Variants in UBR7 observed in about 807,000 individuals in gnomAD.
UBR7 encodes the protein putative E3 ubiquitin-protein ligase UBR7.
UBR7 carries 22 observed loss-of-function variants against 57.0 expected under a neutral mutation model. The ratio of observed to expected loss-of-function variants is 0.39; its 90% CI spans 0.28 to 0.55. The LOEUF (loss-of-function observed/expected upper bound fraction) is 0.55, where lower values mean the gene tolerates loss of function less well. Among genes scored for constraint, UBR7 ranks in the 20% least tolerant of loss-of-function variants. UBR7 has a pLI of 0.69. For synonymous variants in UBR7, 167 were observed against 179.8 expected (o/e 0.93, Z 0.57); for missense variants, 395 against 513.2 (o/e 0.77, Z 2.23).
In UBR7 at chr14:93,220,323, G is replaced by A; in HGVS notation, c.1035G>A (p.Gly345=). The A allele has an allele frequency of 1.2e-6, 2 of 1,613,220 alleles. 1 individual carries two copies. The highest frequency in any genetic ancestry group is 2.2e-5 in the South Asian group (2 of 91,042). Residue 345 remains glycine (G), a synonymous_variant, in exon 9 of 11, where the codon GGG becomes GGA. Transcript: ENST00000013070. The part of the protein sequence containing the change: ...YDTVLAYENK[G]KIAQATDRSD... Reference sequence around the variant, plus strand: ...CAGTTCTGGCTTATGAAAACAAAGGGAAGATTGCCCAGGCCACTGACAGGA... The same window carrying A: ...CAGTTCTGGCTTATGAAAACAAAGGAAAGATTGCCCAGGCCACTGACAGGA...
rs775433521 is a variant in UBR7, at chr14:93,220,368, C to T, written c.1080C>T (p.Thr360=). 22 of 1,613,818 alleles carry T rather than the reference C, an allele frequency of 1.4e-5. No homozygotes were observed. The East Asian group carries it at 4.9e-4, about 36-fold the overall frequency. Residue 360 remains threonine, a synonymous_variant, in exon 9 of 11, where the codon ACC becomes ACT. Coordinates refer to ENST00000013070, the MANE Select transcript of UBR7 (RefSeq NM_175748.4). ...ACAGGAGCGATCCCCTAATGGATAC[C>T]CTTAGCAGCATGAATAGAGTCCAGC... ...ATDRSDPLMD[T]LSSMNRVQQV...
At chr14:93,216,639 A>G (rs1406403299) in intron 6 of UBR7, among the ~76,000 whole-genome samples, 2 of 149,538 alleles carry the variant, frequency 1.3e-5, no homozygotes, top group African/African-American at 4.9e-5. Context: ...TTTTTGAGAC[A>G]GAGTCTCACT....
Position 93,218,543 on chromosome 14 carries a change from T to C in UBR7, c.618T>C (p.Thr206=), listed in dbSNP as rs1475960106. ...AAQLAVTKIS[T]EDDGLVRNID... ...AACTCACAGTAACCAAAATATCCAC[T>C]GAGGATGATGGATTGGTGCGGAACA... Residue 206 remains threonine, a synonymous_variant, in exon 7 of 11, where the codon ACT becomes ACC. Transcript: ENST00000013070. 4 of 1,614,054 alleles carry C rather than the reference T, an allele frequency of 2.5e-6. No individual in the cohort carries two copies. In the African/African-American group the frequency reaches 5.3e-5, roughly 22 times the overall value.
Position 93,220,401 on chromosome 14 carries a change from A to G in UBR7, c.1113A>G (p.Glu371=), listed in dbSNP as rs148754732. Residue 371 remains glutamate, a synonymous_variant, in exon 9 of 11, where the codon GAA becomes GAG. Coordinates refer to ENST00000013070, the MANE Select transcript of UBR7 (RefSeq NM_175748.4). ...LSSMNRVQQV[E]LICEYNDLKT... The stretch of plus-strand genomic sequence containing the variant: ...GCATGAATAGAGTCCAGCAAGTGGA[A>G]CTCATTTGTGGTAAATACTGTGTGT... 1 of 1,613,886 alleles carries G rather than the reference A, an allele frequency of 6.2e-7. No homozygotes were observed. The highest frequency in any genetic ancestry group is 8.5e-7 in the Non-Finnish European group (1 of 1,180,000).
intron 9 of UBR7, among the ~76,000 whole-genome samples, chr14:93,221,729 C>T (rs1056123378): frequency 6.6e-6 from 1 of 151,890 alleles, no homozygotes; most frequent in Non-Finnish European, 1.5e-5. Flanking sequence ...CGCCTGTAAT[C>T]CCAGCACTTT....
intron 8 of UBR7, 42 bp from the exon 9 acceptor site, chr14:93,220,207 G>T: frequency 6.3e-7 from 1 of 1,585,618 alleles, no homozygotes; most frequent in Non-Finnish European, 8.6e-7. Flanking sequence ...AGTTCTAATG[G>T]GGAAACTCCT....
At chr14:93,216,092 C>T (rs115964189) in intron 6 of UBR7, among the ~76,000 whole-genome samples, 2,735 of 152,262 alleles carry the variant, frequency 0.018, 80 homozygotes, top group African/African-American at 0.061. Flanking sequence ...TCTACGTGTC[C>T]GTACCTGTTA....
intron 3 of UBR7, among the ~76,000 whole-genome samples, chr14:93,210,934 T>TTG: frequency 6.6e-6 from 1 of 152,334 alleles, no homozygotes; most frequent in East Asian, 1.9e-4. Context: ...AGAGATGTAC[T>TTG]TGAAAGTAAT....
chr14:93,225,463 CAAAAAAAAA>C (rs59667536), intron 10 of UBR7, among the ~76,000 whole-genome samples: 4 of 110,214 alleles, frequency 3.6e-5, no homozygotes, highest in African/African-American at 1.3e-4. Context: ...CCCGCCTCTA[CAAAAAAAAA>C]AAAAAAAAAA....
intron 4 of UBR7, among the ~76,000 whole-genome samples, chr14:93,212,775 C>T (rs1473861457): frequency 6.6e-6 from 1 of 152,222 alleles, no homozygotes; most frequent in African/African-American, 2.4e-5. Flanking sequence ...CTTCTAACTG[C>T]TGCAGAGTAT....
At chr14:93,208,954 C>T (rs1410534725) in intron 1 of UBR7, among the ~76,000 whole-genome samples, 1 of 152,088 alleles carries the variant, frequency 6.6e-6, no homozygotes, top group Non-Finnish European at 1.5e-5. Flanking sequence ...CCCGCCATCA[C>T]GTCCAGCTAA....
At position 93,228,545 on chromosome 14, in the gene UBR7, C is replaced by T. The variant is rs1297390995; in HGVS notation, c.*1510C>T. 1.5e-5 allele frequency: 7 copies of T among 453,934 alleles called. No homozygotes were observed. The highest frequency in any genetic ancestry group is 4.0e-5 in the African/African-American group (2 of 49,986). 28.1% of individuals were successfully genotyped at this position (453,934 alleles called of 1,614,324 possible). On this transcript the variant is annotated 3_prime_UTR_variant, in exon 11 of 11. Transcript: ENST00000013070. ...AAAGAAATGGCACAACCATGTTCTT[C>T]GGCACTCAGGCTCCTAATTGCAGAT... is the stretch of plus-strand genomic sequence containing the variant.
At chr14:93,226,748 GTGCCACTGCAC>G in intron 10 of UBR7, among the ~76,000 whole-genome samples, 184 bp from the exon 11 acceptor site, 1 of 148,208 alleles carries the variant, frequency 6.7e-6, no homozygotes. Flanking sequence ...AGCCGAGATC[GTGCCACTGCAC>G]TCCAGCCTGG....
At chr14:93,211,065 G>C (rs1189717344) in intron 3 of UBR7, among the ~76,000 whole-genome samples, 1 of 152,096 alleles carries the variant, frequency 6.6e-6, no homozygotes, top group East Asian at 1.9e-4. Flanking sequence ...GTGAAACCCT[G>C]TCTCTACTAA....
chr14:93,216,086 C>T (rs1894585056), intron 6 of UBR7, among the ~76,000 whole-genome samples: 1 of 152,214 alleles, frequency 6.6e-6, no homozygotes, highest in South Asian at 2.1e-4. Context: ...GATCCTTCTA[C>T]GTGTCCGTAC....
chr14:93,222,478 C>T lies in UBR7; in HGVS notation c.1185+104C>T, dbSNP rs1698697773. 1.3e-5 allele frequency: 11 copies of T among 866,620 alleles called. No homozygotes were observed. In the South Asian group the frequency reaches 1.5e-4, roughly 12 times the overall value. The allele number at this position is 866,620 out of a possible 1,614,324, so 53.7% of individuals were successfully genotyped here. A position where few individuals can be genotyped will look rare whatever the true frequency, so the allele number is the denominator to read the frequency against. ...GACTGCGACTGGCGGGGTGCGGTGG[C>T]TCACACCTGTAATCCCAGTACTTTG... On this transcript the variant is annotated intron_variant, in intron 10 of 10. Transcript: ENST00000013070.
intron 6 of UBR7, 66 bp downstream of exon 6, chr14:93,215,347 G>T: frequency 7.3e-7 from 1 of 1,361,504 alleles, no homozygotes; most frequent in South Asian, 1.2e-5. Context: ...GTTCAATTCA[G>T]AATTTTTAGC....
At chr14:93,216,131 CT>C (rs1894586277) in intron 6 of UBR7, among the ~76,000 whole-genome samples, 1 of 152,190 alleles carries the variant, frequency 6.6e-6, no homozygotes, top group African/African-American at 2.4e-5. Context: ...GCTTGGGCCT[CT>C]TTTATAAGTC....
intron 1 of UBR7, among the ~76,000 whole-genome samples, chr14:93,208,470 A>G (rs1019757000): frequency 2.0e-5 from 3 of 152,026 alleles, no homozygotes; most frequent in Non-Finnish European, 4.4e-5. Flanking sequence ...TTACTTAAAA[A>G]AAAAAAAAAG....
Sources: allele counts gnomAD v4.1 joint callset (sites outside exome capture counted in the v4.1 genomes callset), GRCh38; gene constraint gnomAD v4.1.1; transcripts MANE v1.5; gene names NCBI Gene and HGNC (gene_info 2026-07-23, HGNC 2026-07-21).